Variants in SGCZ observed in about 807,000 individuals in gnomAD.
SGCZ encodes the protein sarcoglycan zeta.
SGCZ carries 40 observed loss-of-function variants against 41.3 expected under a neutral mutation model. That is an observed-to-expected ratio of 0.97 (90% CI 0.75 to 1.26). The LOEUF (loss-of-function observed/expected upper bound fraction) is 1.26, where lower values mean the gene tolerates loss of function less well. Ranked by LOEUF, SGCZ falls within the 50% of genes most tolerant of loss-of-function variation. The pLI, the probability that SGCZ is intolerant of heterozygous loss-of-function variation, is 0.00. For missense variants in SGCZ, 552 were observed against 369.8 expected (o/e 1.49, Z -4.04); for synonymous variants, 206 against 137.5 (o/e 1.50, Z -3.49).
intron 1 of SGCZ, among the ~76,000 whole-genome samples, chr8:14,735,650 G>A (rs1365831419): frequency 6.6e-6 from 1 of 152,122 alleles, no homozygotes; most frequent in Non-Finnish European, 1.5e-5. Flanking sequence ...CCTATAGTGA[G>A]ACTTCACCTT....
chr8:14,292,617 A>G (rs1367581819), intron 3 of SGCZ, among the ~76,000 whole-genome samples: 2 of 152,004 alleles, frequency 1.3e-5, no homozygotes, highest in African/African-American at 4.8e-5. Flanking sequence ...CTATGACAAT[A>G]TGGCCTGGTA....
At chr8:14,737,676 C>CTG (rs3069636) in intron 1 of SGCZ, among the ~76,000 whole-genome samples, 9,324 of 152,086 alleles carry the variant, frequency 0.061, 586 homozygotes, top group African/African-American at 0.16. Flanking sequence ...CATCCTCTGT[C>CTG]TGTTTTCATA....
chr8:15,236,544 A>G (rs1802127469), intron 1 of SGCZ, among the ~76,000 whole-genome samples: 1 of 152,154 alleles, frequency 6.6e-6, no homozygotes, highest in Non-Finnish European at 1.5e-5. Flanking sequence ...AGGGTGGAGG[A>G]TTTCAATAAA....
intron 7 of SGCZ, among the ~76,000 whole-genome samples, chr8:14,101,221 C>A (rs1490657254): frequency 6.6e-6 from 1 of 151,990 alleles, no homozygotes; most frequent in East Asian, 1.9e-4. Context: ...GTGGGGAGAA[C>A]CCTGAAAATA....
intron 1 of SGCZ, among the ~76,000 whole-genome samples, chr8:14,646,801 CTT>C (rs10716801): frequency 3.3e-5 from 5 of 151,496 alleles, no homozygotes; most frequent in Admixed American, 2.6e-4. Context: ...ATTCAAAACA[CTT>C]TTTTTTGGCA....
intron 1 of SGCZ, among the ~76,000 whole-genome samples, chr8:14,655,240 G>A (rs893057841): frequency 3.9e-5 from 6 of 151,942 alleles, no homozygotes; most frequent in African/African-American, 7.2e-5. Flanking sequence ...TTCCACTGTC[G>A]TCTTTACCAA....
intron 1 of SGCZ, among the ~76,000 whole-genome samples, chr8:15,145,182 G>A (rs1157663336): frequency 6.6e-6 from 1 of 152,140 alleles, no homozygotes; most frequent in Non-Finnish European, 1.5e-5. Flanking sequence ...AATTCTTTAC[G>A]ATTCTGAAAT....
rs1449500500 is a variant in SGCZ, at chr8:14,087,837, A to G, written c.*2606T>C. 6.6e-6 allele frequency among the ~76,000 whole-genome samples: 1 copy of G among 151,704 alleles called. No homozygotes were observed. The highest frequency in any genetic ancestry group is 1.9e-4 in the East Asian group (1 of 5,144). ...CAGGGATCTTGGCTTAGATTCAGAA[A>G]TCTGAAACAGCTAGTCAGATAACTT... On this transcript the variant is annotated 3_prime_UTR_variant, in exon 8 of 8. Coordinates refer to ENST00000382080, the MANE Select transcript of SGCZ (RefSeq NM_139167.4).
chr8:14,380,481 G>A (rs1235142296), intron 2 of SGCZ, among the ~76,000 whole-genome samples: 1 of 152,158 alleles, frequency 6.6e-6, no homozygotes, highest in Non-Finnish European at 1.5e-5. Context: ...TAAATTCAAT[G>A]TATTTTAAAC....
At chr8:14,860,048 C>G (rs147830349) in intron 1 of SGCZ, among the ~76,000 whole-genome samples, 12 of 151,892 alleles carry the variant, frequency 7.9e-5, no homozygotes, top group Non-Finnish European at 5.9e-5. Context: ...TCAGCGTTCC[C>G]AATCCTTTAG....
intron 2 of SGCZ, among the ~76,000 whole-genome samples, chr8:14,384,945 G>T (rs1244580826): frequency 6.6e-6 from 1 of 152,198 alleles, no homozygotes; most frequent in Non-Finnish European, 1.5e-5. Context: ...TACGTCAGAG[G>T]ACTTGTGCTG....
intron 1 of SGCZ, among the ~76,000 whole-genome samples, chr8:15,042,840 C>T (rs1450569908): frequency 1.3e-5 from 2 of 152,168 alleles, no homozygotes; most frequent in Non-Finnish European, 2.9e-5. Flanking sequence ...ACCCAGGCTT[C>T]CCACTTGCAG....
At chr8:14,116,978 A>C (rs780235623) in intron 5 of SGCZ, among the ~76,000 whole-genome samples, 11 of 152,068 alleles carry the variant, frequency 7.2e-5, no homozygotes, top group South Asian at 2.1e-4. Context: ...ATAACGATTA[A>C]AATTATCCAT....
chr8:15,150,526 T>C (rs866666576), intron 1 of SGCZ, among the ~76,000 whole-genome samples: 2 of 151,956 alleles, frequency 1.3e-5, no homozygotes, highest in Non-Finnish European at 2.9e-5. Context: ...ACGCACAGAG[T>C]TGACTGGAAC....
chr8:14,146,653 A>C (rs1803529106), intron 5 of SGCZ, among the ~76,000 whole-genome samples: 2 of 151,986 alleles, frequency 1.3e-5, no homozygotes, highest in South Asian at 4.1e-4. Flanking sequence ...CGGGCGGATC[A>C]CGAGGTCAGG....
chr8:14,927,455 G>A, intron 1 of SGCZ, among the ~76,000 whole-genome samples: 1 of 151,980 alleles, frequency 6.6e-6, no homozygotes, highest in East Asian at 1.9e-4. Context: ...TTCAAAAGTG[G>A]ATTTTACTTA....
chr8:14,469,370 C>A (rs113721876), intron 2 of SGCZ, among the ~76,000 whole-genome samples: 1,557 of 152,156 alleles, frequency 0.01, 37 homozygotes, highest in African/African-American at 0.034. Context: ...GTCTGGTCTA[C>A]TTGTTGTCTC....
At chr8:14,699,058 C>T (rs1171125543) in intron 1 of SGCZ, among the ~76,000 whole-genome samples, 1 of 151,646 alleles carries the variant, frequency 6.6e-6, no homozygotes, top group Non-Finnish European at 1.5e-5. Context: ...CATCTAACTT[C>T]TTTGAGCTTT....
chr8:15,131,579 A>G (rs1807902072), intron 1 of SGCZ, among the ~76,000 whole-genome samples: 1 of 152,242 alleles, frequency 6.6e-6, no homozygotes, highest in African/African-American at 2.4e-5. Flanking sequence ...ATAAAGTGAA[A>G]TCATAAATAT....
Sources: allele counts gnomAD v4.1 joint callset (sites outside exome capture counted in the v4.1 genomes callset), GRCh38; gene constraint gnomAD v4.1.1; transcripts MANE v1.5; gene names NCBI Gene and HGNC (gene_info 2026-07-23, HGNC 2026-07-21).